VPS13B: variants seen among roughly 807,000 people sequenced by gnomAD.
The protein encoded by VPS13B is vacuolar protein sorting 13 homolog B.
A neutral mutation model predicts 426.4 loss-of-function variants in VPS13B; 285 were observed. That is an observed-to-expected ratio of 0.67 (90% CI 0.61 to 0.74). The LOEUF (loss-of-function observed/expected upper bound fraction) is 0.74. VPS13B is among the 30% of genes least tolerant of loss of function. The pLI is 0.00. For synonymous variants in VPS13B, 1,676 were observed against 1,676.4 expected (o/e 1.00, Z 0.01); for missense variants, 4,537 against 4,782.6 (o/e 0.95, Z 1.51).
At chr8:99,637,235 G>A (rs928075837) in intron 33 of VPS13B, among the ~76,000 whole-genome samples, 2 of 151,930 alleles carry the variant, frequency 1.3e-5, no homozygotes, top group Non-Finnish European at 2.9e-5. Context: ...TCTTAATAGT[G>A]GACCAGATAC....
At chr8:99,165,208 A>T (rs1274599798) in intron 15 of VPS13B, among the ~76,000 whole-genome samples, 1 of 152,200 alleles carries the variant, frequency 6.6e-6, no homozygotes, top group Non-Finnish European at 1.5e-5. Context: ...ATCTGCTGTC[A>T]TTGATTTTTT....
intron 19 of VPS13B, among the ~76,000 whole-genome samples, chr8:99,372,249 CAAAAAAA>C: frequency 1.2e-5 from 1 of 84,694 alleles, no homozygotes; most frequent in Admixed American, 1.1e-4. Flanking sequence ...GACTCCGTCT[CAAAAAAA>C]AAAAAAAAAC....
rs574660135 is a variant in VPS13B, at chr8:99,644,745, T to C, written c.5908+2247T>C. 1.3e-5 allele frequency among the ~76,000 whole-genome samples: 2 copies of C among 152,334 alleles called. 1 individual carries two copies. Among genetic ancestry groups the C allele is most frequent in the South Asian group, 4.1e-4 (2 of 4,828 alleles). ...CAAAAGTTATCAATATGCATGATAATATTTCTTAAAAATGAACTTAGTGAT... is the reference window on the plus strand; with the variant it reads ...CAAAAGTTATCAATATGCATGATAACATTTCTTAAAAATGAACTTAGTGAT... On this transcript the variant is annotated intron_variant, in intron 34 of 61. Coordinates refer to ENST00000357162, the MANE Select transcript of VPS13B (RefSeq NM_152564.5).
chr8:99,869,849 C>A (rs117893561), intron 59 of VPS13B, among the ~76,000 whole-genome samples: 3 of 152,196 alleles, frequency 2.0e-5, no homozygotes, highest in African/African-American at 2.4e-5. Context: ...AATGACTATG[C>A]GTCGTTTGTA....
chr8:99,242,572 A>G (rs1452051931), intron 17 of VPS13B, among the ~76,000 whole-genome samples: 1 of 152,174 alleles, frequency 6.6e-6, no homozygotes, highest in African/African-American at 2.4e-5. Flanking sequence ...TTTTAATGGT[A>G]ATGTAAAAAT....
chr8:99,702,018 A>G (rs1220438129), intron 36 of VPS13B, among the ~76,000 whole-genome samples: 3 of 152,128 alleles, frequency 2.0e-5, no homozygotes, highest in Non-Finnish European at 4.4e-5. Flanking sequence ...TAAGTTTTGA[A>G]TGTTAATTTC....
At chr8:99,509,018 C>T (rs1015695489) in intron 28 of VPS13B, among the ~76,000 whole-genome samples, 2 of 151,974 alleles carry the variant, frequency 1.3e-5, no homozygotes, top group Non-Finnish European at 2.9e-5. Context: ...ACCTTTTATA[C>T]TCTTTACAGG....
intron 2 of VPS13B, among the ~76,000 whole-genome samples, chr8:99,022,478 C>T (rs1025514494): frequency 2.3e-4 from 35 of 152,010 alleles, no homozygotes; most frequent in African/African-American, 8.2e-4. Context: ...CTGTGGTCAG[C>T]AGCACATTGT....
chr8:99,265,205 A>G (rs1309519771), intron 17 of VPS13B, among the ~76,000 whole-genome samples: 1 of 152,112 alleles, frequency 6.6e-6, no homozygotes, highest in Non-Finnish European at 1.5e-5. Flanking sequence ...TGCCTGTCAC[A>G]TTTGTGATTT....
chr8:99,022,988 CTTTTCTTTTTTT>C (rs982294940), intron 2 of VPS13B, among the ~76,000 whole-genome samples: 1 of 149,894 alleles, frequency 6.7e-6, no homozygotes, highest in African/African-American at 2.4e-5. Flanking sequence ...TCTCTCTTTT[CTTTTCTTTTTTT>C]TTTTCTTTTG....
At chr8:99,697,855 G>T in intron 35 of VPS13B, 2 of 560,516 alleles carry the variant, frequency 3.6e-6, no homozygotes, top group Admixed American at 2.2e-5. Flanking sequence ...ATGAAGACAA[G>T]AATGGCAAGG....
At chr8:99,300,312 A>T (rs1044971635) in intron 19 of VPS13B, among the ~76,000 whole-genome samples, 10 of 152,336 alleles carry the variant, frequency 6.6e-5, no homozygotes, top group African/African-American at 1.9e-4. Flanking sequence ...ATTAATGTGC[A>T]CTTTGATAAA....
intron 19 of VPS13B, among the ~76,000 whole-genome samples, chr8:99,322,635 G>T (rs187080283): frequency 3.9e-4 from 60 of 152,282 alleles, no homozygotes; most frequent in Admixed American, 4.6e-4. Context: ...ACATGTCTGT[G>T]TCAGAGTTTT....
At chr8:99,559,901 G>A (rs1245544651) in intron 31 of VPS13B, among the ~76,000 whole-genome samples, 2 of 151,996 alleles carry the variant, frequency 1.3e-5, no homozygotes, top group Non-Finnish European at 2.9e-5. Flanking sequence ...CTCTTTTTTG[G>A]TTCCATATGA....
intron 40 of VPS13B, among the ~76,000 whole-genome samples, chr8:99,772,683 T>C (rs1205799786): frequency 2.0e-5 from 3 of 152,246 alleles, no homozygotes; most frequent in Non-Finnish European, 4.4e-5. Context: ...TCAGAAAACC[T>C]TTTCCCCTGT....
At chr8:99,469,031 T>C (rs1254160484) in intron 24 of VPS13B, among the ~76,000 whole-genome samples, 2 of 152,134 alleles carry the variant, frequency 1.3e-5, no homozygotes, top group African/African-American at 4.8e-5. Context: ...CCTAATAATA[T>C]ATTGGTAAGA....
chr8:99,741,550 C>T (rs1439176561), intron 39 of VPS13B, among the ~76,000 whole-genome samples: 2 of 152,146 alleles, frequency 1.3e-5, no homozygotes, highest in African/African-American at 4.8e-5. Context: ...CACACCTATT[C>T]CAAAATTGAC....
At chr8:99,556,751 T>A (rs528298214) in intron 31 of VPS13B, 98 bp downstream of exon 31, 2 of 1,291,846 alleles carry the variant, frequency 1.5e-6, no homozygotes, top group South Asian at 2.5e-5. Flanking sequence ...CCTAAGTATT[T>A]TGGTATTGCT....
rs189580509 is a variant in VPS13B, at chr8:99,744,871, A to C, written c.7051-21903A>C. Among the ~76,000 whole-genome samples, 11 of 152,184 alleles carry C rather than the reference A, an allele frequency of 7.2e-5. No individual in the cohort carries two copies. In the South Asian group the frequency reaches 1.0e-3, roughly 14 times the overall value. The stretch of plus-strand genomic sequence containing the variant: ...GCATTAGGAGATACACCCAATGTTA[A>C]ATGACGAGTTAATGGGTGCAGCACA... On this transcript the variant is annotated intron_variant, in intron 39 of 61. Coordinates refer to ENST00000357162, the MANE Select transcript of VPS13B (RefSeq NM_152564.5).
Sources: allele counts gnomAD v4.1 joint callset (sites outside exome capture counted in the v4.1 genomes callset), GRCh38; gene constraint gnomAD v4.1.1; transcripts MANE v1.5; gene names NCBI Gene and HGNC (gene_info 2026-07-23, HGNC 2026-07-21).